Variants in PTPRK observed in about 807,000 individuals in gnomAD.
PTPRK encodes the protein receptor-type tyrosine-protein phosphatase kappa.
PTPRK carries 75 observed loss-of-function variants against 178.0 expected under a neutral mutation model. The observed-to-expected ratio is 0.42, with a 90% CI of 0.35 to 0.51. The LOEUF is 0.51. PTPRK is among the 20% of genes least tolerant of loss of function. The pLI, the probability that PTPRK is intolerant of heterozygous loss-of-function variation, is 0.02. For missense variants in PTPRK, 1,441 were observed against 1,797.8 expected (o/e 0.80, Z 3.59); for synonymous variants, 637 against 620.6 (o/e 1.03, Z -0.39).
chr6:128,185,457 C>CT lies in PTPRK; in HGVS notation c.869-733dup, dbSNP rs536714966. The stretch of plus-strand genomic sequence containing the variant: ...AAAAGTTGAATGATATATTAAGGCA[C>CT]TTTTTTTTTCTTTCATTAGAACAAT... On this transcript the variant is annotated intron_variant, in intron 6 of 29. Transcript: ENST00000368226. 1.0e-3 allele frequency among the ~76,000 whole-genome samples: 152 copies of CT among 151,546 alleles called. 5 individuals are homozygous for CT. In the South Asian group the frequency reaches 0.029, roughly 29 times the overall value.
chr6:128,206,898 C>T (rs1807077639), intron 6 of PTPRK, among the ~76,000 whole-genome samples: 1 of 152,090 alleles, frequency 6.6e-6, no homozygotes, highest in African/African-American at 2.4e-5. Flanking sequence ...AAATTACCTT[C>T]CATATTAGCA....
intron 1 of PTPRK, among the ~76,000 whole-genome samples, chr6:128,485,686 G>C (rs1354875264): frequency 3.3e-5 from 5 of 152,142 alleles, no homozygotes; most frequent in Non-Finnish European, 7.4e-5. Flanking sequence ...CTCTTCTAAG[G>C]GGACCAAGAC....
intron 11 of PTPRK, among the ~76,000 whole-genome samples, chr6:128,077,373 C>T (rs1784021577): frequency 6.6e-6 from 1 of 152,012 alleles, no homozygotes; most frequent in African/African-American, 2.4e-5. Context: ...CAAGTACACC[C>T]TCAGCCAACT....
intron 10 of PTPRK, 32 bp from the exon 11 acceptor site, chr6:128,078,950 C>A: frequency 7.0e-7 from 1 of 1,427,332 alleles, no homozygotes; most frequent in Non-Finnish European, 9.9e-7. Flanking sequence ...AAAAAAGGTT[C>A]AATTAATTTA....
intron 6 of PTPRK, among the ~76,000 whole-genome samples, chr6:128,192,277 C>T (rs1294118320): frequency 3.3e-5 from 5 of 151,988 alleles, no homozygotes; most frequent in Admixed American, 2.6e-4. Flanking sequence ...AATCAGCAAC[C>T]ACCAAAAGCA....
At chr6:128,246,340 G>A (rs1007184759) in intron 3 of PTPRK, among the ~76,000 whole-genome samples, 1 of 151,702 alleles carries the variant, frequency 6.6e-6, no homozygotes, top group Non-Finnish European at 1.5e-5. Context: ...CTACACCCCT[G>A]AGAAAAAGTT....
chr6:128,505,345 G>A (rs1408378605), intron 1 of PTPRK, among the ~76,000 whole-genome samples: 1 of 151,436 alleles, frequency 6.6e-6, no homozygotes, highest in African/African-American at 2.4e-5. Context: ...GGAGGCTGAG[G>A]CAGGAGAATC....
Position 127,970,300 on chromosome 6 carries a change from A to G in PTPRK, c.4270-20T>C, listed in dbSNP as rs371081701. The G allele has an allele frequency of 6.3e-7, 1 of 1,599,962 alleles. No homozygotes were observed. Among genetic ancestry groups the G allele is most frequent in the Non-Finnish European group, 8.5e-7 (1 of 1,170,064 alleles). The stretch of plus-strand genomic sequence containing the variant: ...TTGCTCCTGAAAGATGTCAAAACAC[A>G]AAGAGTGAGAAAACTTAAGAAAGAG... On this transcript the variant is annotated intron_variant, in intron 29 of 29. Coordinates refer to ENST00000368226, the MANE Select transcript of PTPRK (RefSeq NM_002844.4).
chr6:128,145,283 T>C (rs1280112136), intron 7 of PTPRK, among the ~76,000 whole-genome samples: 1 of 151,876 alleles, frequency 6.6e-6, no homozygotes, highest in Non-Finnish European at 1.5e-5. Context: ...CACGTAATAA[T>C]AATAATAATA....
chr6:128,298,345 T>C (rs891075469), intron 3 of PTPRK, among the ~76,000 whole-genome samples: 5 of 151,548 alleles, frequency 3.3e-5, no homozygotes, highest in Admixed American at 6.6e-5. Flanking sequence ...TTCCAATCAA[T>C]AGAAAAAGAG....
At chr6:128,018,668 G>T (rs570854400) in intron 13 of PTPRK, among the ~76,000 whole-genome samples, 1 of 152,138 alleles carries the variant, frequency 6.6e-6, no homozygotes, top group East Asian at 1.9e-4. Flanking sequence ...CATGTAAAGT[G>T]CTAAGGACAA....
intron 7 of PTPRK, among the ~76,000 whole-genome samples, chr6:128,149,523 T>C: frequency 6.6e-6 from 1 of 152,132 alleles, no homozygotes; most frequent in East Asian, 1.9e-4. Context: ...TAGATAGGCA[T>C]ATAGTCCAGT....
intron 1 of PTPRK, among the ~76,000 whole-genome samples, chr6:128,486,205 G>A (rs1487925129): frequency 6.6e-6 from 1 of 150,758 alleles, no homozygotes; most frequent in African/African-American, 2.5e-5. Context: ...AGTTAGTTTA[G>A]TTTAAAAAAC....
chr6:128,152,418 G>T (rs1468253835), intron 7 of PTPRK, among the ~76,000 whole-genome samples: 1 of 151,920 alleles, frequency 6.6e-6, no homozygotes, highest in South Asian at 2.1e-4. Flanking sequence ...CTGACAAAAC[G>T]AGGGATATCA....
intron 2 of PTPRK, among the ~76,000 whole-genome samples, chr6:128,351,055 A>G (rs1833053540): frequency 6.6e-6 from 1 of 152,244 alleles, no homozygotes; most frequent in Non-Finnish European, 1.5e-5. Flanking sequence ...CAGGAATCTA[A>G]AAGAGACAGC....
At chr6:127,977,500 G>C (rs1430139483) in intron 25 of PTPRK, among the ~76,000 whole-genome samples, 2 of 152,146 alleles carry the variant, frequency 1.3e-5, no homozygotes, top group African/African-American at 4.8e-5. Flanking sequence ...TATGTGTATA[G>C]TGTGTGTGCG....
chr6:128,047,575 GC>G (rs1387405564), intron 13 of PTPRK, among the ~76,000 whole-genome samples: 1 of 152,034 alleles, frequency 6.6e-6, no homozygotes, highest in Admixed American at 6.6e-5. Context: ...CTATGGCAAG[GC>G]AGTCAAAGTG....
chr6:128,290,889 G>A (rs1465572087), intron 3 of PTPRK, among the ~76,000 whole-genome samples: 2 of 152,000 alleles, frequency 1.3e-5, no homozygotes, highest in East Asian at 1.9e-4. Context: ...TATTAAACAA[G>A]GCATTTAATA....
At chr6:128,426,807 C>T (rs1282599187) in intron 1 of PTPRK, among the ~76,000 whole-genome samples, 1 of 152,006 alleles carries the variant, frequency 6.6e-6, no homozygotes, top group Non-Finnish European at 1.5e-5. Context: ...TCTTGATTTG[C>T]CTGAAATTAA....
Sources: allele counts gnomAD v4.1 joint callset (sites outside exome capture counted in the v4.1 genomes callset), GRCh38; gene constraint gnomAD v4.1.1; transcripts MANE v1.5; gene names NCBI Gene and HGNC (gene_info 2026-07-23, HGNC 2026-07-21).